EXOC6B: variants seen among roughly 807,000 people sequenced by gnomAD.
EXOC6B encodes the protein exocyst complex component 6B.
EXOC6B carries 54 observed loss-of-function variants against 113.5 expected under a neutral mutation model. The observed-to-expected ratio is 0.48, with a 90% CI of 0.38 to 0.60. The LOEUF (loss-of-function observed/expected upper bound fraction) is 0.60, where lower values mean the gene tolerates loss of function less well. EXOC6B is among the 20% of genes least tolerant of loss of function. The pLI is 0.00. For synonymous variants in EXOC6B, 357 were observed against 339.0 expected (o/e 1.05, Z -0.58); for missense variants, 797 against 977.5 (o/e 0.82, Z 2.46).
chr2:72,524,171 A>C (rs913641624), intron 8 of EXOC6B, among the ~76,000 whole-genome samples: 1 of 149,518 alleles, frequency 6.7e-6, no homozygotes, highest in Non-Finnish European at 1.5e-5. Context: ...AAAAAAAAAA[A>C]CTGAAAGGGC....
chr2:72,518,866 G>T lies in EXOC6B; in HGVS notation c.916-3740C>A, dbSNP rs192563924. ...GAAAGGGAAAAATTAAAATTGAAAA[G>T]ATCAGTCAGAATCTGAGACGTATTT... On this transcript the variant is annotated intron_variant, in intron 8 of 21. Coordinates refer to ENST00000272427, the MANE Select transcript of EXOC6B (RefSeq NM_015189.3). Among the ~76,000 whole-genome samples, 167 of 152,228 alleles carry T rather than the reference G, an allele frequency of 1.1e-3. 2 individuals carry two copies. The highest frequency in any genetic ancestry group is 3.8e-3 in the African/African-American group (158 of 41,546).
At chr2:72,411,190 T>A (rs1416149559) in intron 18 of EXOC6B, among the ~76,000 whole-genome samples, 2 of 152,078 alleles carry the variant, frequency 1.3e-5, no homozygotes, top group Non-Finnish European at 2.9e-5. Flanking sequence ...CCAGCCTGGG[T>A]GACAGAGTGA....
At chr2:72,189,893 C>CG (rs1195385573) in intron 20 of EXOC6B, among the ~76,000 whole-genome samples, 1 of 103,550 alleles carries the variant, frequency 9.7e-6, no homozygotes, top group Non-Finnish European at 1.8e-5. Flanking sequence ...GGCAGAGTCT[C>CG]GCTCTGTCAT....
chr2:72,516,484 G>A (rs1573306093), intron 8 of EXOC6B, among the ~76,000 whole-genome samples: 3 of 152,100 alleles, frequency 2.0e-5, no homozygotes, highest in East Asian at 1.9e-4. Flanking sequence ...TTGATTTTGT[G>A]ATCCACCTGG....
intron 19 of EXOC6B, among the ~76,000 whole-genome samples, chr2:72,335,892 C>A (rs1688666674): frequency 6.6e-6 from 1 of 152,088 alleles, no homozygotes; most frequent in Admixed American, 6.6e-5. Flanking sequence ...ACTCTGGCTT[C>A]TATGTCGTTA....
chr2:72,670,955 A>G (rs1255817838), intron 6 of EXOC6B, among the ~76,000 whole-genome samples: 1 of 152,052 alleles, frequency 6.6e-6, no homozygotes, highest in Non-Finnish European at 1.5e-5. Context: ...AGACTCATAA[A>G]TTCAATCCAA....
intron 18 of EXOC6B, among the ~76,000 whole-genome samples, chr2:72,385,861 C>A: frequency 6.6e-6 from 1 of 152,146 alleles, no homozygotes; most frequent in Middle Eastern, 3.4e-3. Context: ...CAAAAGGTAA[C>A]AAGTGTTGGT....
At chr2:72,435,616 T>C (rs989850095) in intron 18 of EXOC6B, among the ~76,000 whole-genome samples, 1 of 152,212 alleles carries the variant, frequency 6.6e-6, no homozygotes, top group East Asian at 1.9e-4. Flanking sequence ...ATATTTAGGA[T>C]AGTTGGCTCT....
intron 1 of EXOC6B, among the ~76,000 whole-genome samples, chr2:72,809,619 A>C (rs1685764721): frequency 6.6e-6 from 1 of 151,938 alleles, no homozygotes; most frequent in South Asian, 2.1e-4. Flanking sequence ...AAATCAAATA[A>C]ACAAAGTTTC....
intron 6 of EXOC6B, among the ~76,000 whole-genome samples, chr2:72,626,230 G>T (rs776349501): frequency 5.3e-5 from 8 of 152,086 alleles, no homozygotes; most frequent in Admixed American, 5.2e-4. Flanking sequence ...AGAAGTGAAA[G>T]GCTCTTTCAG....
At chr2:72,498,932 A>G (rs189973183) in intron 12 of EXOC6B, among the ~76,000 whole-genome samples, 2 of 152,320 alleles carry the variant, frequency 1.3e-5, no homozygotes, top group Admixed American at 6.5e-5. Context: ...ATGCTATTCT[A>G]TTAGATATAA....
chr2:72,641,607 T>G (rs1162734366), intron 6 of EXOC6B, among the ~76,000 whole-genome samples: 1 of 152,234 alleles, frequency 6.6e-6, no homozygotes, highest in African/African-American at 2.4e-5. Context: ...AGGCTTGCTG[T>G]GTGTATAGAC....
intron 1 of EXOC6B, among the ~76,000 whole-genome samples, chr2:72,806,800 T>A (rs188644229): frequency 2.0e-5 from 3 of 152,336 alleles, no homozygotes; most frequent in Non-Finnish European, 4.4e-5. Flanking sequence ...GAGCTTTTTT[T>A]TTTCATATGC....
At chr2:72,424,934 C>T (rs1003991464) in intron 18 of EXOC6B, among the ~76,000 whole-genome samples, 1 of 151,984 alleles carries the variant, frequency 6.6e-6, no homozygotes, top group African/African-American at 2.4e-5. Flanking sequence ...ATTTCATCAC[C>T]CAGGTATTAA....
intron 20 of EXOC6B, among the ~76,000 whole-genome samples, chr2:72,325,011 T>C (rs1688047150): frequency 1.3e-5 from 2 of 152,160 alleles, no homozygotes; most frequent in Admixed American, 1.3e-4. Context: ...AGAGCCCATT[T>C]TTCTTTTCTA....
chr2:72,733,171 T>C (rs1468206288), intron 2 of EXOC6B, 53 bp from the exon 3 acceptor site: 2 of 1,259,768 alleles, frequency 1.6e-6, no homozygotes, highest in Non-Finnish European at 2.3e-6. Flanking sequence ...TAGACAATAG[T>C]TGAAAAAGAT....
intron 6 of EXOC6B, among the ~76,000 whole-genome samples, chr2:72,650,286 T>C (rs979929777): frequency 6.6e-6 from 1 of 152,028 alleles, no homozygotes; most frequent in African/African-American, 2.4e-5. Flanking sequence ...TGCCAGAAAG[T>C]TGGGGACTGC....
At chr2:72,255,725 A>G (rs1221437802) in intron 20 of EXOC6B, among the ~76,000 whole-genome samples, 1 of 152,206 alleles carries the variant, frequency 6.6e-6, no homozygotes. Context: ...ACCCATATCT[A>G]ACGTAGATGA....
chr2:72,401,667 G>A (rs13397514), intron 18 of EXOC6B, among the ~76,000 whole-genome samples: 1,002 of 23,798 alleles, frequency 0.042, 132 homozygotes, highest in African/African-American at 0.16. Context: ...ATATATATAT[G>A]TATATATATA....
Sources: gnomAD v4.1 joint callset for allele counts (sites outside exome capture counted in the v4.1 genomes callset) on GRCh38, gnomAD v4.1.1 for gene constraint, MANE v1.5 for transcripts, NCBI Gene and HGNC (gene_info 2026-07-23, HGNC 2026-07-21) for gene names.